CRISPLD2: variants seen among roughly 807,000 people sequenced by gnomAD.
CRISPLD2 encodes the protein cysteine-rich secretory protein LCCL domain-containing 2.
Under a neutral mutation model 71.1 loss-of-function variants are expected in CRISPLD2, and 47 were observed. The observed-to-expected ratio is 0.66, with a 90% CI of 0.52 to 0.84. CRISPLD2 has a LOEUF of 0.84. Among genes scored for constraint, CRISPLD2 ranks in the 40% least tolerant of loss-of-function variants. CRISPLD2 has a pLI of 0.00. For missense variants in CRISPLD2, 830 were observed against 651.1 expected, an observed-to-expected ratio of 1.27 and a Z score of -2.99; for synonymous variants, 317 against 250.1, an observed-to-expected ratio of 1.27 and a Z score of -2.52.
At chr16:84,832,868 G>C (rs972173993) in intron 1 of CRISPLD2, among the ~76,000 whole-genome samples, 8 of 152,244 alleles carry the variant, frequency 5.3e-5, no homozygotes, top group African/African-American at 1.7e-4. Flanking sequence ...TCTGAGTGTT[G>C]AGTACGATGG....
intron 14 of CRISPLD2, among the ~76,000 whole-genome samples, chr16:84,905,406 T>C (rs1033681757): frequency 2.6e-5 from 4 of 152,168 alleles, no homozygotes; most frequent in Non-Finnish European, 5.9e-5. Flanking sequence ...TTTGGTTTTT[T>C]TTTTGTTTTT....
At position 84,838,717 on chromosome 16, in the gene CRISPLD2, C is replaced by T; in HGVS notation, c.222C>T (p.Ala74=). 2 of 1,613,734 alleles carry T rather than the reference C, an allele frequency of 1.2e-6. No individual in the cohort carries two copies. The highest frequency in any genetic ancestry group is 1.7e-6 in the Non-Finnish European group (2 of 1,179,990). ...TTCGGGGCCAGGTGCAGCCTCAGGC[C>T]TCCAACATGGAGTACATGGTGAGCG... ...NKLRGQVQPQ[A]SNMEYMTWDD... Residue 74 remains alanine, a synonymous_variant, in exon 2 of 15, where the codon GCC becomes GCT. Transcript: ENST00000262424.
intron 8 of CRISPLD2, among the ~76,000 whole-genome samples, chr16:84,871,373 T>C (rs934772718): frequency 6.6e-6 from 1 of 152,016 alleles, no homozygotes; most frequent in Non-Finnish European, 1.5e-5. Flanking sequence ...CTGGGCAACA[T>C]GGCAAAACCC....
chr16:84,832,758 G>A (rs1215638969), intron 1 of CRISPLD2, among the ~76,000 whole-genome samples: 2 of 152,218 alleles, frequency 1.3e-5, no homozygotes, highest in Admixed American at 6.5e-5. Flanking sequence ...GCTAAGTCCC[G>A]AGATTCATCT....
chr16:84,865,507 T>C (rs1011331862), intron 6 of CRISPLD2, among the ~76,000 whole-genome samples: 5 of 152,236 alleles, frequency 3.3e-5, no homozygotes, highest in African/African-American at 9.6e-5. Flanking sequence ...GAGCGTGCTC[T>C]AGTTATTCTC....
intron 5 of CRISPLD2, among the ~76,000 whole-genome samples, chr16:84,853,439 G>A (rs1450821460): frequency 9.9e-5 from 15 of 152,188 alleles, no homozygotes. Context: ...AATGTGAGAG[G>A]GTGGAAGAGG....
chr16:84,835,286 C>T (rs1345521728), intron 1 of CRISPLD2, among the ~76,000 whole-genome samples: 2 of 152,134 alleles, frequency 1.3e-5, no homozygotes, highest in African/African-American at 4.8e-5. Flanking sequence ...GACGGGGTTT[C>T]TCCGTGTTGG....
At chr16:84,858,194 G>C (rs1168543446) in intron 6 of CRISPLD2, among the ~76,000 whole-genome samples, 1 of 152,282 alleles carries the variant, frequency 6.6e-6, no homozygotes, top group East Asian at 1.9e-4. Flanking sequence ...AGCACCATTG[G>C]ATCTGCTGGG....
In CRISPLD2 at chr16:84,877,459, C is replaced by G; in HGVS notation, c.1178C>G (p.Thr393Arg). The G allele has an allele frequency of 6.2e-7, 1 of 1,613,832 alleles. No individual in the cohort carries two copies. The highest frequency in any genetic ancestry group is 1.3e-5 in the African/African-American group (1 of 75,038). ...KVKVQDLDCY[T>R]TVAQLCPFEK... ...ACAGTGCAGGATTTGGACTGCTACA[C>G]GACCGTTGCTCAGCTGTGCCCGTTT... The change falls in exon 12 of 15, where the codon ACG becomes AGG. Residue 393 changes from threonine to arginine, a missense_variant. Thr to Arg is a moderately conservative substitution (Grantham distance 71). Transcript: ENST00000262424.
At chr16:84,834,677 C>A (rs944381117) in intron 1 of CRISPLD2, among the ~76,000 whole-genome samples, 3 of 152,180 alleles carry the variant, frequency 2.0e-5, no homozygotes, top group Admixed American at 1.3e-4. Flanking sequence ...GTACCACAAG[C>A]TTCAACAATA....
At chr16:84,826,990 T>C (rs2143137602) in intron 1 of CRISPLD2, among the ~76,000 whole-genome samples, 1 of 152,186 alleles carries the variant, frequency 6.6e-6, no homozygotes, top group Admixed American at 6.5e-5. Context: ...TTTTTTTTTA[T>C]AATTTCTTGT....
chr16:84,880,174 G>A (rs73251558), intron 12 of CRISPLD2, among the ~76,000 whole-genome samples: 2 of 152,118 alleles, frequency 1.3e-5, no homozygotes, highest in Non-Finnish European at 2.9e-5. Flanking sequence ...GTGTGAACTA[G>A]CCAACATCCA....
intron 3 of CRISPLD2, among the ~76,000 whole-genome samples, chr16:84,847,644 T>C (rs1916952124): frequency 2.1e-5 from 3 of 146,058 alleles, no homozygotes; most frequent in Non-Finnish European, 4.4e-5. Context: ...GTGCAAGAAT[T>C]CGTCTCAAAA....
chr16:84,843,807 G>T (rs971853742), intron 2 of CRISPLD2, among the ~76,000 whole-genome samples: 1 of 152,238 alleles, frequency 6.6e-6, no homozygotes, highest in Admixed American at 6.5e-5. Flanking sequence ...ACAAGAGGGG[G>T]TTGTGAAAGA....
At chr16:84,879,457 G>C (rs2071549299) in intron 12 of CRISPLD2, among the ~76,000 whole-genome samples, 1 of 150,924 alleles carries the variant, frequency 6.6e-6, no homozygotes, top group Non-Finnish European at 1.5e-5. Flanking sequence ...CTGCCTCCCA[G>C]ATTCAAGCCA....
chr16:84,869,346 A>G (rs1301642406), intron 8 of CRISPLD2, among the ~76,000 whole-genome samples: 1 of 152,236 alleles, frequency 6.6e-6, no homozygotes, highest in Non-Finnish European at 1.5e-5. Flanking sequence ...TCAGAGTCAA[A>G]TGGGAAAACC....
chr16:84,897,172 G>A (rs564088028), intron 14 of CRISPLD2, among the ~76,000 whole-genome samples: 11 of 152,304 alleles, frequency 7.2e-5, no homozygotes, highest in South Asian at 4.1e-4. Flanking sequence ...GGCCGGGTGC[G>A]GCGGCTCATG....
chr16:84,900,628 G>A (rs1019710218), intron 14 of CRISPLD2, among the ~76,000 whole-genome samples: 8 of 152,128 alleles, frequency 5.3e-5, no homozygotes, highest in African/African-American at 1.9e-4. Flanking sequence ...TGCAGGGCAG[G>A]TTGGCAGCTG....
rs1459656319 is a variant in CRISPLD2 at position 84,854,829 on chromosome 16, G to A, written c.709G>A (p.Glu237Lys). 6.2e-7 allele frequency: 1 copy of A among 1,612,822 alleles called. No homozygotes were observed. The highest frequency in any genetic ancestry group is 1.7e-5 in the Admixed American group (1 of 60,026). ...CTGCAGGAACAACTTGTGTTACCGA[G>A]GTAGGAAATTTACTCCCAACACTTT... ...GSCRNNLCYREETYTPKPETD... is the reference protein window; with the variant it reads ...GSCRNNLCYRKETYTPKPETD... Residue 237 changes from glutamate to lysine, a missense_variant and splice_region_variant, in exon 6 of 15, where the codon GAA (glutamate) becomes AAA (lysine). Glu to Lys is a moderately conservative substitution (Grantham distance 56, BLOSUM62 1). Transcript: ENST00000262424.
Sources: allele counts gnomAD v4.1 joint callset (sites outside exome capture counted in the v4.1 genomes callset), GRCh38; gene constraint gnomAD v4.1.1; transcripts MANE v1.5; gene names NCBI Gene and HGNC (gene_info 2026-07-23, HGNC 2026-07-21).